Variants in PHLPP1 observed in about 807,000 individuals in gnomAD.
PHLPP1 encodes the protein PH domain and leucine rich repeat protein phosphatase 1.
PHLPP1 carries 42 observed loss-of-function variants against 117.2 expected under a neutral mutation model. The observed-to-expected ratio is 0.36, with a 90% CI of 0.28 to 0.46. PHLPP1 has a LOEUF of 0.46. Among genes scored for constraint, PHLPP1 ranks in the 20% least tolerant of loss-of-function variants. The pLI, the probability that PHLPP1 is intolerant of heterozygous loss-of-function variation, is 1.00. For missense variants in PHLPP1, 2,084 were observed against 2,241.9 expected (o/e 0.93, Z 1.42); for synonymous variants, 1,042 against 970.7 (o/e 1.07, Z -1.37).
intron 10 of PHLPP1, among the ~76,000 whole-genome samples, chr18:62,925,061 G>A (rs2144431673): frequency 6.6e-6 from 1 of 151,910 alleles, no homozygotes; most frequent in African/African-American, 2.4e-5. Flanking sequence ...TTAGAGTTGA[G>A]GATTTTCCTG....
At chr18:62,956,764 A>G (rs1163626487) in intron 12 of PHLPP1, among the ~76,000 whole-genome samples, 1 of 152,134 alleles carries the variant, frequency 6.6e-6, no homozygotes, top group African/African-American at 2.4e-5. Context: ...GATTATTTAG[A>G]ATGGCAATAT....
In PHLPP1 at chr18:62,716,875, G is replaced by A. The variant is rs1910761780; in HGVS notation, c.1192G>A (p.Gly398Ser). 6.6e-7 allele frequency: 1 copy of A among 1,524,522 alleles called. No individual in the cohort carries two copies. The highest frequency in any genetic ancestry group is 8.8e-7 in the Non-Finnish European group (1 of 1,141,980). The allele number at this position is 1,524,522 out of a possible 1,614,324, so 94.4% of individuals were successfully genotyped here. The part of the protein sequence containing the change: ...TGVPGQPRRP[G>S]HPAQPLPLPQ... Reference sequence around the variant, plus strand: ...GGTCCCGGGCCAGCCCCGCCGTCCCGGCCACCCCGCGCAGCCCCTCCCGCT... The same window carrying A: ...GGTCCCGGGCCAGCCCCGCCGTCCCAGCCACCCCGCGCAGCCCCTCCCGCT... The change falls in exon 1 of 17, where the codon GGC becomes AGC. Residue 398 changes from glycine to serine, a missense_variant. Physicochemically the swap from Gly to Ser is moderately conservative, Grantham distance 56. This residue lies in a region of PHLPP1 where 719 missense variants were observed against 636.0 expected (regional missense o/e 1.13). Transcript: ENST00000262719. The surrounding 1 kb of genome is among the most constrained non-coding windows in gnomAD (Gnocchi z 5.7).
chr18:62,886,293 T>C (rs953736696), intron 4 of PHLPP1, among the ~76,000 whole-genome samples: 34 of 152,140 alleles, frequency 2.2e-4, no homozygotes, highest in African/African-American at 7.5e-4. Context: ...TTTGTTTAAT[T>C]TATTTATTTT....
At chr18:62,793,092 T>C (rs1913511695) in intron 1 of PHLPP1, among the ~76,000 whole-genome samples, 2 of 151,844 alleles carry the variant, frequency 1.3e-5, no homozygotes, top group Non-Finnish European at 2.9e-5. Context: ...GGAGAATCAC[T>C]TGAACCCAGG....
intron 3 of PHLPP1, among the ~76,000 whole-genome samples, chr18:62,857,154 T>G (rs1174818726): frequency 6.6e-6 from 1 of 152,210 alleles, no homozygotes; most frequent in Non-Finnish European, 1.5e-5. Context: ...TGCATTAGTT[T>G]CCTGTGGCTG....
chr18:62,913,093 C>T (rs911827651), intron 8 of PHLPP1, among the ~76,000 whole-genome samples: 6 of 152,214 alleles, frequency 3.9e-5, no homozygotes, highest in Admixed American at 3.3e-4. Context: ...TGGCCACTCT[C>T]ATGCCCAGAA....
chr18:62,978,078 G>A lies in PHLPP1; in HGVS notation c.3985-184G>A, dbSNP rs1911245374. 6.6e-6 allele frequency among the ~76,000 whole-genome samples: 1 copy of A among 152,026 alleles called. No homozygotes were observed. Among genetic ancestry groups the A allele is most frequent in the African/African-American group, 2.4e-5 (1 of 41,358 alleles). ...CTTACCTGCCCAGGCCTACTACCTG[G>A]GGTTTCTGATGACAGGTGCACATTA... On this transcript the variant is annotated intron_variant, in intron 16 of 16. Coordinates refer to ENST00000262719, the MANE Select transcript of PHLPP1 (RefSeq NM_194449.4). The surrounding 1 kb of genome is among the most constrained non-coding windows in gnomAD (Gnocchi z 7.0).
At chr18:62,890,225 G>GT (rs891317613) in intron 4 of PHLPP1, among the ~76,000 whole-genome samples, 2 of 151,458 alleles carry the variant, frequency 1.3e-5, no homozygotes, top group African/African-American at 2.4e-5. Flanking sequence ...TTGTTAAGAG[G>GT]TTTTTTTTCT....
At chr18:62,885,660 AAAAAC>A (rs143389050) in intron 4 of PHLPP1, among the ~76,000 whole-genome samples, 1 of 152,130 alleles carries the variant, frequency 6.6e-6, no homozygotes, top group Non-Finnish European at 1.5e-5. Flanking sequence ...ACTCCGTCTC[AAAAAC>A]AAAACAAAAC....
At chr18:62,949,775 A>G (rs1478383557) in intron 12 of PHLPP1, among the ~76,000 whole-genome samples, 1 of 152,202 alleles carries the variant, frequency 6.6e-6, no homozygotes, top group African/African-American at 2.4e-5. Flanking sequence ...TCTGAGTCAC[A>G]CAGACGCCAG....
Position 62,783,014 on chromosome 18 carries a change from T to G in PHLPP1, c.1577-47021T>G, listed in dbSNP as rs1371079009. On this transcript the variant is annotated intron_variant, in intron 1 of 16. Coordinates refer to ENST00000262719, the MANE Select transcript of PHLPP1 (RefSeq NM_194449.4). The stretch of plus-strand genomic sequence containing the variant: ...TCCAGCTCTCATAAGTAAATCACTT[T>G]GATGAGAGTTTATGAGAATCTTTAA... 4.2e-5 allele frequency among the ~76,000 whole-genome samples: 6 copies of G among 143,314 alleles called. No individual in the cohort carries two copies. The East Asian group carries it at 1.2e-3, about 28-fold the overall frequency. 94.0% of individuals were successfully genotyped at this position (143,314 alleles called of 152,430 possible). A position where few individuals can be genotyped will look rare whatever the true frequency, so the allele number is the denominator to read the frequency against.
intron 4 of PHLPP1, 96 bp downstream of exon 4, chr18:62,860,697 T>C: frequency 1.0e-6 from 1 of 992,714 alleles, no homozygotes; most frequent in Non-Finnish European, 1.5e-6. Flanking sequence ...AAAAAGCTAG[T>C]GTGTAAACTT....
intron 1 of PHLPP1, among the ~76,000 whole-genome samples, chr18:62,752,248 C>T (rs1390555028): frequency 1.3e-5 from 2 of 151,982 alleles, no homozygotes; most frequent in Non-Finnish European, 2.9e-5. Flanking sequence ...GTCCAGGCCC[C>T]CCGCGCCCCC....
chr18:62,839,761 AT>A (rs1278476162), intron 3 of PHLPP1: 3 of 146,674 alleles, frequency 2.0e-5, no homozygotes, highest in Admixed American at 6.9e-5. Context: ...ATAATATATA[AT>A]TATATATAAT....
chr18:62,933,509 T>C (rs1171529930), intron 10 of PHLPP1, among the ~76,000 whole-genome samples: 2 of 151,964 alleles, frequency 1.3e-5, no homozygotes, highest in East Asian at 3.9e-4. Flanking sequence ...AAATAAACAA[T>C]GAGGAAAGGA....
At chr18:62,876,579 C>T (rs1002401330) in intron 4 of PHLPP1, among the ~76,000 whole-genome samples, 1 of 152,092 alleles carries the variant, frequency 6.6e-6, no homozygotes, top group African/African-American at 2.4e-5. Flanking sequence ...TTTCCCACCA[C>T]CAAGGATAAT....
chr18:62,896,750 T>A (rs1049520522), intron 6 of PHLPP1, among the ~76,000 whole-genome samples: 1 of 152,132 alleles, frequency 6.6e-6, no homozygotes, highest in Non-Finnish European at 1.5e-5. Flanking sequence ...TTCAGTTTCA[T>A]CAGTGTAAAG....
chr18:62,862,696 A>G (rs1016043045), intron 4 of PHLPP1, among the ~76,000 whole-genome samples: 4 of 152,212 alleles, frequency 2.6e-5, no homozygotes, highest in Admixed American at 6.5e-5. Context: ...TGAGATGACT[A>G]TCATACTTCA....
chr18:62,865,159 T>C (rs929811466), intron 4 of PHLPP1, among the ~76,000 whole-genome samples: 1 of 152,102 alleles, frequency 6.6e-6, no homozygotes, highest in Non-Finnish European at 1.5e-5. Flanking sequence ...CCCATCTCTA[T>C]AAAGAAAAAT....
Sources: gnomAD v4.1 joint callset for allele counts (sites outside exome capture counted in the v4.1 genomes callset) on GRCh38, gnomAD v4.1.1 for gene constraint, gnomAD v4.1.1 regional missense constraint, Gnocchi (gnomAD v3.1) non-coding constraint, MANE v1.5 for transcripts, NCBI Gene and HGNC (gene_info 2026-07-23, HGNC 2026-07-21) for gene names.